SNCAIP: variants seen among roughly 807,000 people sequenced by gnomAD.
SNCAIP encodes synuclein alpha interacting protein.
A neutral mutation model predicts 86.7 loss-of-function variants in SNCAIP; 43 were observed. The observed-to-expected ratio is 0.50, with a 90% confidence interval of 0.39 to 0.64. The LOEUF (loss-of-function observed/expected upper bound fraction) is 0.64. Among genes scored for constraint, SNCAIP ranks in the 30% least tolerant of loss-of-function variants. SNCAIP has a pLI of 0.00. For synonymous variants in SNCAIP, 417 were observed against 427.2 expected, an observed-to-expected ratio of 0.98 and a Z score of 0.29; for missense variants, 981 against 1,103.1, an observed-to-expected ratio of 0.89 and a Z score of 1.57.
At chr5:122,349,580 A>G (rs1421224436) in intron 1 of SNCAIP, among the ~76,000 whole-genome samples, 1 of 152,160 alleles carries the variant, frequency 6.6e-6, no homozygotes, top group Non-Finnish European at 1.5e-5. Flanking sequence ...AATTCTTAAG[A>G]TAACTAATTT....
In SNCAIP at chr5:122,450,655, C is replaced by T. The variant is rs748282606; in HGVS notation, c.1808C>T (p.Ala603Val). 6 of 1,613,942 alleles carry T rather than the reference C, an allele frequency of 3.7e-6. No homozygotes were observed. Among genetic ancestry groups the T allele is most frequent in the Non-Finnish European group, 5.1e-6 (6 of 1,179,928 alleles). The part of the protein sequence containing the change: ...EGIQVLGSLS[A>V]SSRARPKAKD... Reference sequence around the variant, plus strand: ...ATTCAGGTTCTTGGAAGCCTGTCAGCCTCCAGCCGGGCTAGACCCAAAGCA... The same window carrying T: ...ATTCAGGTTCTTGGAAGCCTGTCAGTCTCCAGCCGGGCTAGACCCAAAGCA... The change falls in exon 10 of 11, where the codon GCC becomes GTC. Residue 603 changes from alanine (A) to valine (V), a missense_variant. Transcript: ENST00000261368.
intron 1 of SNCAIP, among the ~76,000 whole-genome samples, chr5:122,381,699 T>A (rs905595922): frequency 6.6e-6 from 1 of 152,076 alleles, no homozygotes; most frequent in Non-Finnish European, 1.5e-5. Flanking sequence ...CTTTCCATGT[T>A]TAGCGGTTCC....
intron 1 of SNCAIP, among the ~76,000 whole-genome samples, chr5:122,325,599 C>T (rs996928593): frequency 5.3e-5 from 8 of 152,140 alleles, no homozygotes; most frequent in Admixed American, 6.5e-5. Context: ...TTTGAGTATG[C>T]CATCTATTTT....
intron 8 of SNCAIP, among the ~76,000 whole-genome samples, chr5:122,449,197 T>C (rs1485184953): frequency 6.6e-6 from 1 of 152,184 alleles, no homozygotes; most frequent in Non-Finnish European, 1.5e-5. Flanking sequence ...AGCCTACAGT[T>C]GGGCAAAATC....
At chr5:122,409,481 G>C (rs917558193) in intron 3 of SNCAIP, among the ~76,000 whole-genome samples, 16 of 152,114 alleles carry the variant, frequency 1.1e-4, no homozygotes, top group Admixed American at 6.6e-5. Flanking sequence ...AGAAAGTTCA[G>C]TTATGTAAAA....
At chr5:122,329,126 C>T (rs1754740211) in intron 1 of SNCAIP, among the ~76,000 whole-genome samples, 1 of 152,152 alleles carries the variant, frequency 6.6e-6, no homozygotes, top group Admixed American at 6.6e-5. Flanking sequence ...AGCTTCATGT[C>T]TGGCACAGAA....
intron 3 of SNCAIP, among the ~76,000 whole-genome samples, chr5:122,410,986 G>A (rs997956719): frequency 3.3e-5 from 5 of 152,100 alleles, no homozygotes; most frequent in African/African-American, 1.2e-4. Context: ...TCACAGCAGT[G>A]GAATTAAGAA....
intron 1 of SNCAIP, among the ~76,000 whole-genome samples, chr5:122,371,139 C>T (rs1296370358): frequency 2.6e-5 from 4 of 151,844 alleles, no homozygotes; most frequent in Non-Finnish European, 5.9e-5. Context: ...CATAGTGAGA[C>T]ACTGTCTCTA....
intron 4 of SNCAIP, 122 bp downstream of exon 4, chr5:122,423,861 G>A: frequency 1.2e-6 from 1 of 852,234 alleles, no homozygotes; most frequent in Non-Finnish European, 1.8e-6. Flanking sequence ...CTTTACTTGT[G>A]GCTTTAGTTG....
chr5:122,402,900 G>C (rs1166839384), intron 2 of SNCAIP, among the ~76,000 whole-genome samples: 2 of 152,170 alleles, frequency 1.3e-5, no homozygotes, highest in Non-Finnish European at 2.9e-5. Context: ...TCAGGGAGCT[G>C]CATTTTATGA....
intron 1 of SNCAIP, among the ~76,000 whole-genome samples, chr5:122,320,211 G>A (rs1215743000): frequency 6.6e-6 from 1 of 152,210 alleles, no homozygotes; most frequent in African/African-American, 2.4e-5. Flanking sequence ...CATCATTAGA[G>A]TGACAGCACT....
chr5:122,387,658 G>A (rs1244900693), intron 1 of SNCAIP, among the ~76,000 whole-genome samples: 2 of 152,176 alleles, frequency 1.3e-5, no homozygotes, highest in Non-Finnish European at 2.9e-5. Context: ...AGTCACAGCA[G>A]TGAAGTGTCA....
intron 3 of SNCAIP, among the ~76,000 whole-genome samples, chr5:122,406,934 A>T (rs529838247): frequency 1.3e-5 from 2 of 152,290 alleles, no homozygotes; most frequent in African/African-American, 4.8e-5. Flanking sequence ...GCTATTTTGT[A>T]TAGGTTGTCA....
intron 1 of SNCAIP, among the ~76,000 whole-genome samples, chr5:122,318,966 CT>C (rs58667095): frequency 0.012 from 1,573 of 130,606 alleles, 11 homozygotes; most frequent in African/African-American, 0.026. Flanking sequence ...CTGTTATCAT[CT>C]TTTTTTTTTT....
rs762097254 is a variant in SNCAIP, at chr5:122,423,469, A to G, written c.732A>G (p.Lys244=). 8.1e-5 allele frequency: 130 copies of G among 1,614,216 alleles called. 1 individual carries two copies. The East Asian group carries it at 2.7e-3, about 33-fold the overall frequency. ...CCGAGATCTCACCTCCTCTGGTTAA[A>G]TGTGGCTCTGCATATGAGCCTGAAA... ...EETEISPPLV[K]CGSAYEPENQ... The change falls in exon 4 of 11, where the codon AAA becomes AAG. Residue 244 remains lysine, a synonymous_variant. Coordinates refer to ENST00000261368, the MANE Select transcript of SNCAIP (RefSeq NM_005460.4).
chr5:122,374,373 C>G (rs148174067), intron 1 of SNCAIP, among the ~76,000 whole-genome samples: 2 of 152,282 alleles, frequency 1.3e-5, no homozygotes, highest in African/African-American at 4.8e-5. Flanking sequence ...TCAGTCCTTT[C>G]TTGCTTATGT....
intron 1 of SNCAIP, among the ~76,000 whole-genome samples, chr5:122,349,968 G>A (rs1267769989): frequency 1.3e-5 from 2 of 152,166 alleles, no homozygotes; most frequent in East Asian, 3.8e-4. Flanking sequence ...GTAAAGAGCA[G>A]CTGTGTTGTA....
At position 122,320,293 on chromosome 5, in the gene SNCAIP, C is replaced by T. The variant is rs894073205; in HGVS notation, c.-47+8009C>T. ...CGAGTACAGTTTGCACACTTGGAAA[C>T]TTTAACTTAACAGATGCTCAACAGC... is the stretch of plus-strand genomic sequence containing the variant. On this transcript the variant is annotated intron_variant, in intron 1 of 10. Transcript: ENST00000261368. Among the ~76,000 whole-genome samples, 5 of 152,128 alleles carry T rather than the reference C, an allele frequency of 3.3e-5. No individual in the cohort carries two copies. The East Asian group carries it at 7.7e-4, about 23-fold the overall frequency.
At chr5:122,399,944 A>G (rs1771438291) in intron 2 of SNCAIP, among the ~76,000 whole-genome samples, 1 of 152,076 alleles carries the variant, frequency 6.6e-6, no homozygotes, top group Admixed American at 6.6e-5. Context: ...AACAAATCCT[A>G]GGTTGTGTTG....
Sources: gnomAD v4.1 joint callset for allele counts (sites outside exome capture counted in the v4.1 genomes callset) on GRCh38, gnomAD v4.1.1 for gene constraint, MANE v1.5 for transcripts, NCBI Gene and HGNC (gene_info 2026-07-23, HGNC 2026-07-21) for gene names.